Variants in ROBO2 observed in about 807,000 individuals in gnomAD.
ROBO2 encodes the protein roundabout homolog 2.
ROBO2 carries 53 observed loss-of-function variants against 160.8 expected under a neutral mutation model. The observed-to-expected ratio is 0.33, with a 90% CI of 0.26 to 0.41. The LOEUF (loss-of-function observed/expected upper bound fraction) is 0.41. Ranked by LOEUF, ROBO2 falls within the 10% of genes least tolerant of loss-of-function variation. The pLI is 1.00. For missense variants in ROBO2, 1,577 were observed against 1,722.4 expected, an observed-to-expected ratio of 0.92 and a Z score of 1.49; for synonymous variants, 664 against 611.7, an observed-to-expected ratio of 1.09 and a Z score of -1.26.
At chr3:77,108,106 A>G (rs186528840) in intron 2 of ROBO2, among the ~76,000 whole-genome samples, 27 of 151,716 alleles carry the variant, frequency 1.8e-4, no homozygotes, top group African/African-American at 6.0e-4. Context: ...TGCTTTCTTT[A>G]CTTATTCATA....
intron 2 of ROBO2, among the ~76,000 whole-genome samples, chr3:76,971,070 TC>T: frequency 6.6e-6 from 1 of 152,310 alleles, no homozygotes; most frequent in East Asian, 1.9e-4. Flanking sequence ...ATGAAGTTCT[TC>T]CTTTGACATC....
At chr3:75,983,356 G>A (rs1303589284) in intron 2 of ROBO2, among the ~76,000 whole-genome samples, 6 of 151,380 alleles carry the variant, frequency 4.0e-5, no homozygotes, top group Admixed American at 1.3e-4. Context: ...TTTTCTGAAC[G>A]GGAAGTATAC....
At chr3:76,137,809 A>T (rs973192884) in intron 2 of ROBO2, among the ~76,000 whole-genome samples, 2 of 151,870 alleles carry the variant, frequency 1.3e-5, no homozygotes, top group African/African-American at 4.8e-5. Context: ...TTAATATTGT[A>T]TCTCTCTAAT....
At chr3:76,714,198 T>G (rs1460528738) in intron 2 of ROBO2, among the ~76,000 whole-genome samples, 1 of 152,148 alleles carries the variant, frequency 6.6e-6, no homozygotes, top group East Asian at 1.9e-4. Context: ...AGCGTATACA[T>G]TTTCCTTTTT....
At chr3:75,937,502 A>G (rs1431258347) in exon 2 of ROBO2, 1 of 1,567,358 alleles carries the variant, frequency 6.4e-7, no homozygotes. Flanking sequence ...CAATGGCCAG[A>G]AGACATGAAC....
At chr3:76,382,451 G>T (rs2076680433) in intron 2 of ROBO2, among the ~76,000 whole-genome samples, 2 of 152,174 alleles carry the variant, frequency 1.3e-5, no homozygotes, top group Admixed American at 6.5e-5. Flanking sequence ...ATCCGGGCGC[G>T]GTGGCGGCGC....
At chr3:76,097,971 A>G (rs1407672214) in intron 2 of ROBO2, among the ~76,000 whole-genome samples, 1 of 152,172 alleles carries the variant, frequency 6.6e-6, no homozygotes, top group African/African-American at 2.4e-5. Context: ...CTTGGTAAAT[A>G]AAACAGCATT....
At chr3:77,575,757 G>C in intron 14 of ROBO2, among the ~76,000 whole-genome samples, 2 of 152,094 alleles carry the variant, frequency 1.3e-5, no homozygotes, top group Middle Eastern at 3.4e-3. Context: ...TTTATTCATC[G>C]TTAAATTTCA....
At chr3:76,179,434 G>C (rs919056435) in intron 2 of ROBO2, among the ~76,000 whole-genome samples, 1 of 152,148 alleles carries the variant, frequency 6.6e-6, no homozygotes, top group Non-Finnish European at 1.5e-5. Context: ...ACTTAAGTCA[G>C]GAAGCTAAAG....
At chr3:77,611,081 G>A (rs1400088471) in intron 21 of ROBO2, among the ~76,000 whole-genome samples, 3 of 151,918 alleles carry the variant, frequency 2.0e-5, no homozygotes, top group Admixed American at 1.3e-4. Context: ...GGCGGATCAC[G>A]AGGTCAAGAG....
At chr3:76,164,980 C>T (rs998381255) in intron 2 of ROBO2, among the ~76,000 whole-genome samples, 1 of 152,166 alleles carries the variant, frequency 6.6e-6, no homozygotes. Context: ...CACGGAGCTG[C>T]ATAGTCTCCT....
At chr3:76,434,692 C>T in intron 2 of ROBO2, 3 of 1,110,460 alleles carry the variant, frequency 2.7e-6, no homozygotes, top group Non-Finnish European at 4.2e-6. Flanking sequence ...GTCCTCCTCC[C>T]CGTTCACCAG....
At chr3:76,807,123 A>G (rs2064789945) in intron 2 of ROBO2, among the ~76,000 whole-genome samples, 2 of 152,190 alleles carry the variant, frequency 1.3e-5, no homozygotes, top group South Asian at 4.1e-4. Flanking sequence ...AGTCTTGTAC[A>G]TGGTATGTGT....
At chr3:76,303,760 G>A (rs1192216715) in intron 2 of ROBO2, among the ~76,000 whole-genome samples, 3 of 152,178 alleles carry the variant, frequency 2.0e-5, no homozygotes, top group Admixed American at 2.0e-4. Context: ...TTAGCAAAAT[G>A]CAGTGTAATA....
chr3:76,410,159 T>A (rs1482400288), intron 2 of ROBO2, among the ~76,000 whole-genome samples: 2 of 152,094 alleles, frequency 1.3e-5, no homozygotes, highest in African/African-American at 4.8e-5. Context: ...TTCCAGCAAG[T>A]CTCTACTTTC....
chr3:75,982,237 T>G (rs756464042), intron 2 of ROBO2, among the ~76,000 whole-genome samples: 4 of 151,468 alleles, frequency 2.6e-5, no homozygotes, highest in Non-Finnish European at 4.4e-5. Flanking sequence ...AACAAAGGAG[T>G]GCAGATATCT....
intron 2 of ROBO2, among the ~76,000 whole-genome samples, chr3:76,269,208 G>C (rs529735511): frequency 6.6e-6 from 1 of 152,166 alleles, no homozygotes; most frequent in South Asian, 2.1e-4. Context: ...TGCTTGTAGT[G>C]ATGGATACCC....
chr3:76,323,397 A>C (rs953956767), intron 2 of ROBO2, among the ~76,000 whole-genome samples: 1 of 152,170 alleles, frequency 6.6e-6, no homozygotes, highest in African/African-American at 2.4e-5. Context: ...TGTTAGATGC[A>C]TACTATTATT....
At chr3:76,464,270 G>A (rs752823448) in intron 2 of ROBO2, among the ~76,000 whole-genome samples, 28 of 152,164 alleles carry the variant, frequency 1.8e-4, no homozygotes, top group Non-Finnish European at 3.5e-4. Flanking sequence ...CGAATAGTAT[G>A]TAGAGACTGA....
Sources: gnomAD v4.1 joint callset for allele counts (sites outside exome capture counted in the v4.1 genomes callset) on GRCh38, gnomAD v4.1.1 for gene constraint, MANE v1.5 for transcripts, NCBI Gene and HGNC (gene_info 2026-07-23, HGNC 2026-07-21) for gene names.